KBTBD12: variants seen among roughly 807,000 people sequenced by gnomAD.
The protein encoded by KBTBD12 is kelch repeat and BTB domain-containing protein 12.
KBTBD12 carries 53 observed loss-of-function variants against 58.7 expected under a neutral mutation model. That is an observed-to-expected ratio of 0.90 (90% CI 0.72 to 1.14). KBTBD12 has a LOEUF of 1.14. KBTBD12 is among the 50% of genes most tolerant of loss of function. The pLI, the probability that KBTBD12 is intolerant of heterozygous loss-of-function variation, is 0.00. For synonymous variants in KBTBD12, 236 were observed against 259.8 expected, an observed-to-expected ratio of 0.91 and a Z score of 0.88; for missense variants, 704 against 751.3, an observed-to-expected ratio of 0.94 and a Z score of 0.74.
intron 4 of KBTBD12, among the ~76,000 whole-genome samples, chr3:127,952,756 G>A (rs1313977767): frequency 1.3e-5 from 2 of 152,218 alleles, no homozygotes; most frequent in African/African-American, 4.8e-5. Flanking sequence ...CCTGTTAAAT[G>A]AGGAGTTACT....
chr3:127,982,313 G>C (rs1940887597), intron 5 of KBTBD12, among the ~76,000 whole-genome samples: 1 of 152,192 alleles, frequency 6.6e-6, no homozygotes, highest in African/African-American at 2.4e-5. Flanking sequence ...GGACAAGAAA[G>C]GGCTCTGCCT....
intron 5 of KBTBD12, among the ~76,000 whole-genome samples, chr3:127,977,585 T>C (rs557312620): frequency 1.3e-5 from 2 of 152,376 alleles, no homozygotes; most frequent in East Asian, 1.9e-4. Flanking sequence ...TGATTAGTGA[T>C]ATTAAGCATT....
At position 127,984,394 on chromosome 3, in the gene KBTBD12, G is replaced by A. The variant is rs1940930714; in HGVS notation, c.*116G>A. 1.0e-6 allele frequency: 1 copy of A among 982,794 alleles called. No individual in the cohort carries two copies. The highest frequency in any genetic ancestry group is 1.5e-6 in the Non-Finnish European group (1 of 667,372). 60.9% of individuals were successfully genotyped at this position (982,794 alleles called of 1,614,324 possible). A position where few individuals can be genotyped will look rare whatever the true frequency, so the allele number is the denominator to read the frequency against. ...GCACTGCATGCGTAGTGGCCTGTGTGTGAAGAAGCAGTGTGTGCTGGGCAC... is the reference window on the plus strand; with the variant it reads ...GCACTGCATGCGTAGTGGCCTGTGTATGAAGAAGCAGTGTGTGCTGGGCAC... On this transcript the variant is annotated 3_prime_UTR_variant, in exon 6 of 6. Coordinates refer to ENST00000405109, the MANE Select transcript of KBTBD12 (RefSeq NM_207335.4).
In KBTBD12 at chr3:127,984,268, A is replaced by C; in HGVS notation, c.1862A>C (p.Asn621Thr). The change falls in exon 6 of 6, where the codon AAT (asparagine) becomes ACT (threonine). Residue 621 changes from asparagine (N) to threonine (T), a missense_variant. By Grantham distance (65) the Asn-to-Thr change is moderately conservative. Coordinates refer to ENST00000405109, the MANE Select transcript of KBTBD12 (RefSeq NM_207335.4). Reference protein sequence around the residue: ...PPPSDLVEEGNEH With the variant: ...PPPSDLVEEGTEH ...CCTTCAGATTTGGTGGAAGAAGGCA[A>C]TGAGCACTAAGGTGACCTTGCTGGA... 6.2e-7 allele frequency: 1 copy of C among 1,613,678 alleles called. No homozygotes were observed. Among genetic ancestry groups the C allele is most frequent in the Non-Finnish European group, 8.5e-7 (1 of 1,179,748 alleles).
intron 4 of KBTBD12, among the ~76,000 whole-genome samples, chr3:127,939,691 G>GA (rs76815477): frequency 0.15 from 22,991 of 151,740 alleles, 1,964 homozygotes; most frequent in South Asian, 0.32. Flanking sequence ...CAGACAAAGT[G>GA]AAAAAAATAC....
chr3:127,967,346 A>G (rs1415737381), intron 5 of KBTBD12, among the ~76,000 whole-genome samples: 2 of 152,216 alleles, frequency 1.3e-5, no homozygotes, highest in Admixed American at 6.5e-5. Context: ...TCATGCAGAA[A>G]AGGAAAAGTA....
intron 4 of KBTBD12, among the ~76,000 whole-genome samples, chr3:127,935,381 G>C (rs558282549): frequency 1.1e-4 from 16 of 152,142 alleles, no homozygotes; most frequent in Non-Finnish European, 2.1e-4. Context: ...AATCAACTCA[G>C]TATTAACCTA....
At chr3:127,943,502 A>C (rs938149804) in intron 4 of KBTBD12, among the ~76,000 whole-genome samples, 20 of 152,034 alleles carry the variant, frequency 1.3e-4, no homozygotes, top group African/African-American at 4.3e-4. Context: ...TTGAAAAAAA[A>C]ATCTATTCAG....
rs764145027 is a variant in KBTBD12, at chr3:127,963,239, G to A, written c.1543G>A (p.Asp515Asn). Reference protein sequence around the residue: ...QDKGQVRKCLDVVEIYNPDGD... With the variant: ...QDKGQVRKCLNVVEIYNPDGD... ...CAAGGGCCAGGTTCGAAAATGCCTT[G>A]ACGTGGTGGAGATCTACAACCCAGA... The change falls in exon 5 of 6, where the codon GAC (aspartate) becomes AAC (asparagine). Residue 515 changes from aspartate (D) to asparagine (N), a missense_variant. Coordinates refer to ENST00000405109, the MANE Select transcript of KBTBD12 (RefSeq NM_207335.4). 1.2e-6 allele frequency: 2 copies of A among 1,612,944 alleles called. No individual in the cohort carries two copies. The highest frequency in any genetic ancestry group is 2.2e-5 in the East Asian group (1 of 44,828).
Position 127,930,121 on chromosome 3 carries a change from T to C in KBTBD12, c.1342-12T>C, listed in dbSNP as rs1394475236. Reference sequence around the variant, plus strand: ...TGATATGTTATTATATTGGCTGTCATATTTCATACAGATGGATCTTCCTGA... The same window carrying C: ...TGATATGTTATTATATTGGCTGTCACATTTCATACAGATGGATCTTCCTGA... On this transcript the variant is annotated splice_polypyrimidine_tract_variant and intron_variant, in intron 3 of 5. Coordinates refer to ENST00000405109, the MANE Select transcript of KBTBD12 (RefSeq NM_207335.4). The C allele has an allele frequency of 1.9e-6, 3 of 1,568,688 alleles. No individual in the cohort carries two copies. The highest frequency in any genetic ancestry group is 2.6e-6 in the Non-Finnish European group (3 of 1,155,158).
chr3:127,963,608 G>C (rs1259409171), intron 5 of KBTBD12: 2 of 458,556 alleles, frequency 4.4e-6, no homozygotes, highest in Non-Finnish European at 7.5e-6. Context: ...ATGGAATCTA[G>C]TTTACGGCCA....
At chr3:127,962,711 A>G (rs781623506) in intron 4 of KBTBD12, among the ~76,000 whole-genome samples, 18 of 152,196 alleles carry the variant, frequency 1.2e-4, no homozygotes, top group Non-Finnish European at 2.2e-4. Flanking sequence ...GTCCTTCCCT[A>G]GTTGGGAAAG....
intron 4 of KBTBD12, among the ~76,000 whole-genome samples, chr3:127,952,310 T>C (rs1481309683): frequency 1.3e-5 from 2 of 152,180 alleles, no homozygotes; most frequent in African/African-American, 4.8e-5. Flanking sequence ...ATTAAGAGCA[T>C]CAAAAATTGT....
chr3:127,968,030 A>G (rs1940610767), intron 5 of KBTBD12, among the ~76,000 whole-genome samples: 1 of 152,188 alleles, frequency 6.6e-6, no homozygotes, highest in South Asian at 2.1e-4. Flanking sequence ...CTCTGCAGTA[A>G]TGCAACCCAT....
intron 4 of KBTBD12, among the ~76,000 whole-genome samples, chr3:127,954,317 A>C (rs1940273139): frequency 6.6e-6 from 1 of 152,220 alleles, no homozygotes; most frequent in Non-Finnish European, 1.5e-5. Flanking sequence ...GTAGAAAATG[A>C]ATCAAATACA....
chr3:127,970,673 G>A (rs376132212), intron 5 of KBTBD12, among the ~76,000 whole-genome samples: 1 of 152,330 alleles, frequency 6.6e-6, no homozygotes, highest in Admixed American at 6.5e-5. Context: ...CTAAGTGAAA[G>A]AAGGCAATCA....
chr3:127,925,051 T>C (rs1193663454), intron 2 of KBTBD12, among the ~76,000 whole-genome samples: 1 of 152,346 alleles, frequency 6.6e-6, no homozygotes, highest in East Asian at 1.9e-4. Context: ...GCAGTAAAGA[T>C]GGGACTAAAG....
At position 127,985,357 on chromosome 3, in the gene KBTBD12, T is replaced by C. The variant is rs1479081751; in HGVS notation, c.*1079T>C. ...TCAGAAGACAGTCACTCCCAAAATATATGTTAGAAATAACATTTAAATGAC... is the reference window on the plus strand; with the variant it reads ...TCAGAAGACAGTCACTCCCAAAATACATGTTAGAAATAACATTTAAATGAC... On this transcript the variant is annotated 3_prime_UTR_variant, in exon 6 of 6. Transcript: ENST00000405109. 2.6e-5 allele frequency: 4 copies of C among 152,208 alleles called. No homozygotes were observed. The highest frequency in any genetic ancestry group is 4.4e-5 in the Non-Finnish European group (3 of 68,046). 9.4% of individuals were successfully genotyped at this position (152,208 alleles called of 1,614,324 possible).
chr3:127,969,250 C>G (rs79058530), intron 5 of KBTBD12, among the ~76,000 whole-genome samples: 3 of 151,758 alleles, frequency 2.0e-5, no homozygotes, highest in Non-Finnish European at 4.4e-5. Flanking sequence ...TAAGACCATA[C>G]GCCAAAAAAT....
Sources: allele counts gnomAD v4.1 joint callset (sites outside exome capture counted in the v4.1 genomes callset), GRCh38; gene constraint gnomAD v4.1.1; transcripts MANE v1.5; gene names NCBI Gene and HGNC (gene_info 2026-07-23, HGNC 2026-07-21).